Variants in TASP1 observed in about 807,000 individuals in gnomAD.
TASP1 encodes taspase 1, also known as threonine aspartase 1.
TASP1 carries 16 observed loss-of-function variants against 56.6 expected under a neutral mutation model. The ratio of observed to expected loss-of-function variants is 0.28; its 90% CI spans 0.19 to 0.43. The LOEUF is 0.43. TASP1 is among the 20% of genes least tolerant of loss of function. The pLI is 1.00. For synonymous variants in TASP1, 179 were observed against 184.2 expected, an observed-to-expected ratio of 0.97 and a Z score of 0.23; for missense variants, 393 against 511.6, an observed-to-expected ratio of 0.77 and a Z score of 2.24.
chr20:13,514,778 C>A (rs1413097132), intron 10 of TASP1, among the ~76,000 whole-genome samples: 2 of 152,082 alleles, frequency 1.3e-5, no homozygotes, highest in Admixed American at 1.3e-4. Context: ...AATAAGTGTA[C>A]TTTTCATGAT....
intron 11 of TASP1, among the ~76,000 whole-genome samples, chr20:13,451,201 C>T (rs1239580075): frequency 1.3e-5 from 2 of 152,038 alleles, no homozygotes; most frequent in Non-Finnish European, 2.9e-5. Flanking sequence ...ATTTATAAGG[C>T]ACAGGAAGAG....
chr20:13,408,621 C>T (rs2042003670), intron 13 of TASP1, among the ~76,000 whole-genome samples: 1 of 152,066 alleles, frequency 6.6e-6, no homozygotes, highest in Non-Finnish European at 1.5e-5. Context: ...GTGATGCCAT[C>T]TGGGCATAAA....
intron 10 of TASP1, among the ~76,000 whole-genome samples, chr20:13,517,271 C>T (rs1237246519): frequency 6.6e-6 from 1 of 152,014 alleles, no homozygotes. Context: ...CATAACCAGG[C>T]TAGAACATAA....
At chr20:13,595,874 A>ACCTAATAG (rs1230058157) in intron 4 of TASP1, among the ~76,000 whole-genome samples, 1 of 152,192 alleles carries the variant, frequency 6.6e-6, no homozygotes, top group East Asian at 1.9e-4. Flanking sequence ...CACCAAGCAG[A>ACCTAATAG]CCTAATAGAC....
At chr20:13,296,268 C>T in the TASP1 span, among the ~76,000 whole-genome samples, 11 of 152,084 alleles carry the variant, frequency 7.2e-5, no homozygotes, top group African/African-American at 2.4e-4. Context: ...TCTCTGGACC[C>T]GAGCCCAGCT....
chr20:13,550,147 T>TAC (rs149572327), intron 8 of TASP1, among the ~76,000 whole-genome samples: 14,491 of 135,226 alleles, frequency 0.11, 720 homozygotes, highest in Middle Eastern at 0.2. Context: ...TATATACACA[T>TAC]ACACACACAC....
chr20:13,187,617 G>A, the TASP1 span, among the ~76,000 whole-genome samples: 16 of 151,104 alleles, frequency 1.1e-4, no homozygotes, highest in Non-Finnish European at 1.6e-4. Flanking sequence ...GCGTGGTAGC[G>A]CACACCTGTA....
intron 8 of TASP1, among the ~76,000 whole-genome samples, chr20:13,538,083 A>G (rs1451133698): frequency 1.3e-5 from 2 of 151,708 alleles, no homozygotes; most frequent in African/African-American, 4.8e-5. Flanking sequence ...GCTCACAGCA[A>G]CCTCCACCTC....
At chr20:13,636,140 CTTTTTTTTTTTTT>C (rs36048272) in intron 1 of TASP1, among the ~76,000 whole-genome samples, 1 of 98,018 alleles carries the variant, frequency 1.0e-5, no homozygotes, top group African/African-American at 4.4e-5. Flanking sequence ...TGTGTTGTTG[CTTTTTTTTTTTTT>C]TTTTTTTTTT....
the TASP1 span, among the ~76,000 whole-genome samples, chr20:13,336,076 A>G: frequency 1.3e-5 from 2 of 152,186 alleles, no homozygotes; most frequent in Non-Finnish European, 1.5e-5. Context: ...CGCTTCCAGG[A>G]AGGAAAAAAA....
At chr20:13,326,523 T>A in the TASP1 span, among the ~76,000 whole-genome samples, 2 of 114,108 alleles carry the variant, frequency 1.8e-5, no homozygotes, top group South Asian at 5.0e-4. Flanking sequence ...TCACCAACAC[T>A]TGGTATGAAT....
chr20:13,585,399 T>C (rs528326450), intron 5 of TASP1, among the ~76,000 whole-genome samples: 1 of 152,198 alleles, frequency 6.6e-6, no homozygotes, highest in African/African-American at 2.4e-5. Context: ...CATTAAGAGA[T>C]TGTAAAGGCA....
At chr20:13,322,244 G>C in the TASP1 span, among the ~76,000 whole-genome samples, 33 of 152,290 alleles carry the variant, frequency 2.2e-4, no homozygotes, top group East Asian at 1.7e-3. Flanking sequence ...GTACTCCCAA[G>C]AGTGAGGCAG....
At chr20:13,215,247 A>T in the TASP1 span, among the ~76,000 whole-genome samples, 5 of 152,220 alleles carry the variant, frequency 3.3e-5, no homozygotes, top group African/African-American at 1.2e-4. Context: ...TGTTGCCTCA[A>T]CTGTAAAGGA....
chr20:13,446,565 T>C (rs6042112), intron 11 of TASP1, among the ~76,000 whole-genome samples: 2,550 of 152,204 alleles, frequency 0.017, 75 homozygotes, highest in African/African-American at 0.056. Flanking sequence ...ATTCTATAGA[T>C]GTAAGTACCA....
chr20:13,254,438 T>C, the TASP1 span, among the ~76,000 whole-genome samples: 2 of 151,788 alleles, frequency 1.3e-5, no homozygotes, highest in African/African-American at 4.9e-5. Context: ...CAGAATTGAA[T>C]TCAAGAGAGC....
intron 8 of TASP1, among the ~76,000 whole-genome samples, chr20:13,537,770 G>A (rs1371546176): frequency 6.6e-6 from 1 of 152,094 alleles, no homozygotes; most frequent in African/African-American, 2.4e-5. Flanking sequence ...ATGTGTTAAA[G>A]AAAACACTGA....
chr20:13,252,468 T>G, the TASP1 span, among the ~76,000 whole-genome samples: 1 of 152,148 alleles, frequency 6.6e-6, no homozygotes, highest in Non-Finnish European at 1.5e-5. Flanking sequence ...GGCGCCATCT[T>G]GGCTGGGCAC....
At chr20:13,400,439 CA>C (rs2041693899) in intron 13 of TASP1, among the ~76,000 whole-genome samples, 1 of 152,100 alleles carries the variant, frequency 6.6e-6, no homozygotes, top group Admixed American at 6.5e-5. Flanking sequence ...TGGAAGAAAT[CA>C]AAGAATTATT....
Sources: allele counts gnomAD v4.1 joint callset (sites outside exome capture counted in the v4.1 genomes callset), GRCh38; gene constraint gnomAD v4.1.1; transcripts MANE v1.5; gene names NCBI Gene and HGNC (gene_info 2026-07-23, HGNC 2026-07-21).